SPIDR: variants seen among roughly 807,000 people sequenced by gnomAD.
SPIDR encodes the protein scaffold protein involved in DNA repair.
Under a neutral mutation model 104.6 loss-of-function variants are expected in SPIDR, and 93 were observed. The observed-to-expected ratio is 0.89, with a 90% CI of 0.75 to 1.06. The LOEUF is 1.06. SPIDR is among the 50% of genes least tolerant of loss of function. The pLI, the probability that SPIDR is intolerant of heterozygous loss-of-function variation, is 0.00. For missense variants in SPIDR, 1,154 were observed against 1,111.2 expected, an observed-to-expected ratio of 1.04 and a Z score of -0.55; for synonymous variants, 431 against 416.9, an observed-to-expected ratio of 1.03 and a Z score of -0.41.
chr8:47,319,512 C>A lies in SPIDR; in HGVS notation c.525+25482C>A, dbSNP rs571352807. Among the ~76,000 whole-genome samples, 646 of 152,254 alleles carry A rather than the reference C, an allele frequency of 4.2e-3. 8 individuals are homozygous for A. The highest frequency in any genetic ancestry group is 7.5e-3 in the Non-Finnish European group (512 of 68,024). On this transcript the variant is annotated intron_variant, in intron 5 of 19. Coordinates refer to ENST00000297423, the MANE Select transcript of SPIDR (RefSeq NM_001080394.4). ...ATAATAATGGGAGACTTTAACACCCCACTATCAACATTAGACAGATCAGTG... is the reference window on the plus strand; with the variant it reads ...ATAATAATGGGAGACTTTAACACCCAACTATCAACATTAGACAGATCAGTG...
chr8:47,313,463 A>G (rs1554587065), intron 5 of SPIDR, among the ~76,000 whole-genome samples: 2 of 152,230 alleles, frequency 1.3e-5, no homozygotes, highest in African/African-American at 2.4e-5. Flanking sequence ...GAAAGAATCA[A>G]TGTCGTGAAA....
intron 5 of SPIDR, among the ~76,000 whole-genome samples, chr8:47,350,714 A>AT (rs1483865064): frequency 6.6e-6 from 1 of 152,186 alleles, no homozygotes; most frequent in East Asian, 1.9e-4. Context: ...AGCCCTCATC[A>AT]TACTATGGTC....
chr8:47,694,718 C>T (rs1175518919), intron 11 of SPIDR, among the ~76,000 whole-genome samples: 1 of 151,986 alleles, frequency 6.6e-6, no homozygotes, highest in East Asian at 1.9e-4. Flanking sequence ...CACTGCACTC[C>T]AGCCTGGGTG....
At chr8:47,398,484 C>T (rs1372247913) in intron 6 of SPIDR, among the ~76,000 whole-genome samples, 1 of 152,108 alleles carries the variant, frequency 6.6e-6, no homozygotes, top group Admixed American at 6.5e-5. Flanking sequence ...TGGGGGAGGA[C>T]ATTTCAGTTT....
chr8:47,502,440 A>G (rs929111133), intron 8 of SPIDR, among the ~76,000 whole-genome samples: 2 of 152,118 alleles, frequency 1.3e-5, no homozygotes, highest in East Asian at 1.9e-4. Context: ...AGGTGTTTAT[A>G]TTATTCTCTG....
chr8:47,446,255 T>G (rs568974355), intron 8 of SPIDR, among the ~76,000 whole-genome samples: 1 of 152,222 alleles, frequency 6.6e-6, no homozygotes, highest in Admixed American at 6.5e-5. Context: ...TTTTGAAAAT[T>G]CTAGGGTCTT....
intron 4 of SPIDR, 45 bp from the exon 5 acceptor site, chr8:47,293,822 A>C (rs1350546945): frequency 6.5e-7 from 1 of 1,530,600 alleles, no homozygotes; most frequent in Non-Finnish European, 8.9e-7. Flanking sequence ...ATAAAAGTGA[A>C]AGATTAAGGA....
intron 10 of SPIDR, among the ~76,000 whole-genome samples, chr8:47,599,561 C>CTGA (rs1449072048): frequency 2.0e-5 from 3 of 152,150 alleles, no homozygotes; most frequent in Non-Finnish European, 4.4e-5. Context: ...TCTCGAAAAC[C>CTGA]TGAGTAAATA....
chr8:47,697,701 G>C (rs1374703211), intron 11 of SPIDR: 1 of 152,610 alleles, frequency 6.6e-6, no homozygotes, highest in African/African-American at 2.4e-5. Flanking sequence ...GTACCATGCT[G>C]TCTCCTTTCT....
intron 8 of SPIDR, among the ~76,000 whole-genome samples, chr8:47,485,690 G>T (rs1435338197): frequency 6.6e-6 from 1 of 152,172 alleles, no homozygotes; most frequent in African/African-American, 2.4e-5. Flanking sequence ...AGCATTTGCC[G>T]TTCTGCAATA....
Position 47,290,722 on chromosome 8 carries a change from G to C in SPIDR, c.257-311G>C, listed in dbSNP as rs2039759893. Among the ~76,000 whole-genome samples the C allele has an allele frequency of 2.0e-5, 3 of 152,092 alleles. No homozygotes were observed. The South Asian group carries it at 6.2e-4, about 32-fold the overall frequency. On this transcript the variant is annotated intron_variant, in intron 3 of 19. Coordinates refer to ENST00000297423, the MANE Select transcript of SPIDR (RefSeq NM_001080394.4). The stretch of plus-strand genomic sequence containing the variant: ...TTGTTTTCATCAAATACCCCAGAAA[G>C]TTATACTTTTATAAATGTTATTTCA...
At chr8:47,511,696 A>G (rs969965646) in intron 8 of SPIDR, 105 of 967,962 alleles carry the variant, frequency 1.1e-4, no homozygotes, top group Middle Eastern at 3.1e-4. Flanking sequence ...ATCTCCGGCA[A>G]ATGGTCTTGG....
intron 10 of SPIDR, among the ~76,000 whole-genome samples, chr8:47,625,072 G>C (rs1459034792): frequency 6.6e-6 from 1 of 152,164 alleles, no homozygotes; most frequent in Admixed American, 6.5e-5. Context: ...GGGATGCAAG[G>C]CTGGTTCAAC....
chr8:47,415,898 T>A (rs1269720356), intron 7 of SPIDR, among the ~76,000 whole-genome samples: 5 of 152,192 alleles, frequency 3.3e-5, no homozygotes, highest in African/African-American at 1.2e-4. Context: ...ATAGCCACAG[T>A]CATCTCTTTC....
chr8:47,511,703 T>G lies in SPIDR; in HGVS notation c.1097+71161T>G, dbSNP rs981238026. The G allele has an allele frequency of 4.0e-6, 4 of 1,010,236 alleles. No homozygotes were observed. The Admixed American group carries it at 5.1e-5, about 13-fold the overall frequency. The allele number at this position is 1,010,236 out of a possible 1,614,324, so 62.6% of individuals were successfully genotyped here. A position where few individuals can be genotyped will look rare whatever the true frequency, so the allele number is the denominator to read the frequency against. On this transcript the variant is annotated intron_variant, in intron 8 of 19. Coordinates refer to ENST00000297423, the MANE Select transcript of SPIDR (RefSeq NM_001080394.4). ...CCATAGCCATCTCCGGCAAATGGTCTTGGTGTACTGGTCTCTCCAGGTCTG... is the reference window on the plus strand; with the variant it reads ...CCATAGCCATCTCCGGCAAATGGTCGTGGTGTACTGGTCTCTCCAGGTCTG...
At chr8:47,415,638 A>G (rs1554674780) in intron 7 of SPIDR, among the ~76,000 whole-genome samples, 2 of 152,200 alleles carry the variant, frequency 1.3e-5, no homozygotes, top group African/African-American at 4.8e-5. Context: ...TGAGGAGGAT[A>G]CAGCAAGAAG....
At chr8:47,476,732 T>C (rs1554724033) in intron 8 of SPIDR, among the ~76,000 whole-genome samples, 1 of 152,230 alleles carries the variant, frequency 6.6e-6, no homozygotes, top group African/African-American at 2.4e-5. Flanking sequence ...TTGATTTTAA[T>C]TGGCTTAGAA....
chr8:47,600,085 G>A (rs1051227883), intron 10 of SPIDR, among the ~76,000 whole-genome samples: 3 of 152,152 alleles, frequency 2.0e-5, no homozygotes, highest in African/African-American at 7.2e-5. Flanking sequence ...GTTATCTCTG[G>A]CAATGATAAT....
At chr8:47,305,294 A>G (rs4602890) in intron 5 of SPIDR, among the ~76,000 whole-genome samples, 2,385 of 152,336 alleles carry the variant, frequency 0.016, 21 homozygotes, top group Non-Finnish European at 0.024. Context: ...GACATAATCA[A>G]TGTAAAGTAA....
Sources: gnomAD v4.1 joint callset for allele counts (sites outside exome capture counted in the v4.1 genomes callset) on GRCh38, gnomAD v4.1.1 for gene constraint, MANE v1.5 for transcripts, NCBI Gene and HGNC (gene_info 2026-07-23, HGNC 2026-07-21) for gene names.